Variants in MYRIP observed in about 807,000 individuals in gnomAD.
MYRIP encodes the protein rab effector MyRIP.
In MYRIP, 49 loss-of-function variants were observed where a neutral mutation model predicts 98.0. The observed-to-expected ratio is 0.50, with a 90% CI of 0.40 to 0.63. MYRIP has a LOEUF of 0.63. MYRIP is among the 30% of genes least tolerant of loss of function. The probability of loss-of-function intolerance (pLI) is 0.00; values close to 1 mark genes in which losing one functional copy is unlikely to be tolerated. For synonymous variants in MYRIP, 404 were observed against 409.5 expected (o/e 0.99, Z 0.16); for missense variants, 1,004 against 1,058.2 (o/e 0.95, Z 0.71).
At chr3:40,054,845 G>A (rs577785469) in intron 3 of MYRIP, among the ~76,000 whole-genome samples, 1 of 152,296 alleles carries the variant, frequency 6.6e-6, no homozygotes, top group Admixed American at 6.5e-5. Context: ...CTGCCGCAAG[G>A]CATATTTTCA....
intron 3 of MYRIP, among the ~76,000 whole-genome samples, chr3:40,111,887 C>T (rs1949165821): frequency 6.6e-6 from 1 of 152,150 alleles, no homozygotes; most frequent in African/African-American, 2.4e-5. Flanking sequence ...GAGCCCTGGG[C>T]TGGGAACTAG....
rs1254635184 is a variant in MYRIP, at chr3:40,151,094, A to G, written c.379A>G (p.Ser127Gly). ...SLEWFYNNVK[S>G]RFKRFGSAKV... is the part of the protein sequence containing the mutation. The stretch of plus-strand genomic sequence containing the variant: ...GGAATGGTTCTACAATAATGTGAAG[A>G]GCCGCTTCAAGCGCTTTGGCAGTGC... Residue 127 changes from serine (S) to glycine (G), a missense_variant, in exon 4 of 17, where the codon AGC (serine) becomes GGC (glycine). Physicochemically the swap from Ser to Gly is moderately conservative, Grantham distance 56. Transcript: ENST00000302541. 6.2e-7 allele frequency: 1 copy of G among 1,610,250 alleles called. No individual in the cohort carries two copies. The highest frequency in any genetic ancestry group is 1.1e-5 in the South Asian group (1 of 90,188).
intron 10 of MYRIP, among the ~76,000 whole-genome samples, chr3:40,194,161 T>A (rs115586299): frequency 0.015 from 2,311 of 152,008 alleles, 58 homozygotes; most frequent in African/African-American, 0.051. Context: ...GGGTTAAGGA[T>A]TTTTTTTCCA....
intron 8 of MYRIP, among the ~76,000 whole-genome samples, chr3:40,179,045 G>A (rs1024441535): frequency 6.6e-6 from 1 of 152,164 alleles, no homozygotes; most frequent in East Asian, 1.9e-4. Flanking sequence ...AAGAAAAGTG[G>A]GCACAGAGGG....
At chr3:39,876,274 T>A (rs185189592) in intron 1 of MYRIP, among the ~76,000 whole-genome samples, 11 of 152,300 alleles carry the variant, frequency 7.2e-5, no homozygotes, top group South Asian at 2.1e-4. Context: ...CAGCACACTG[T>A]TGGGTCTTGA....
intron 3 of MYRIP, among the ~76,000 whole-genome samples, chr3:40,130,149 G>A (rs1266910680): frequency 2.0e-5 from 3 of 152,076 alleles, no homozygotes; most frequent in Non-Finnish European, 4.4e-5. Flanking sequence ...AGGATTTCTG[G>A]AATAAAAATA....
chr3:40,205,752 T>A (rs1164273708), intron 10 of MYRIP, among the ~76,000 whole-genome samples: 4 of 152,120 alleles, frequency 2.6e-5, no homozygotes, highest in African/African-American at 9.7e-5. Context: ...GTATGTTTGG[T>A]GTTTCAGTGA....
At position 40,252,104 on chromosome 3, in the gene MYRIP, A is replaced by G. The variant is rs1953394703; in HGVS notation, c.2547+105A>G. On this transcript the variant is annotated intron_variant, in intron 16 of 16. Coordinates refer to ENST00000302541, the MANE Select transcript of MYRIP (RefSeq NM_015460.4). ...TCCCGCATCAGAACCCCCAAAAAGT[A>G]TCCTTCCTCCGTGGTCTTATGGTCT... The G allele has an allele frequency of 1.3e-5, 11 of 862,020 alleles. No individual in the cohort carries two copies. In the Admixed American group the frequency reaches 1.7e-4, roughly 13 times the overall value. 53.4% of individuals were successfully genotyped at this position (862,020 alleles called of 1,614,324 possible).
intron 3 of MYRIP, among the ~76,000 whole-genome samples, chr3:40,066,965 C>T (rs1200524798): frequency 1.3e-5 from 2 of 152,100 alleles, no homozygotes; most frequent in African/African-American, 4.8e-5. Context: ...ACTTTTATGT[C>T]CTTTTTGCTT....
At chr3:39,919,745 AG>A (rs1181651422) in intron 2 of MYRIP, among the ~76,000 whole-genome samples, 16 of 151,710 alleles carry the variant, frequency 1.1e-4, no homozygotes, top group Middle Eastern at 3.4e-3. Context: ...AGAGAGAGAG[AG>A]AGAAATTCAT....
chr3:39,926,251 T>G (rs1256817427), intron 2 of MYRIP, among the ~76,000 whole-genome samples: 1 of 152,150 alleles, frequency 6.6e-6, no homozygotes, highest in Admixed American at 6.6e-5. Flanking sequence ...GTCAGGTGCA[T>G]AGTTTACAAA....
chr3:39,870,756 A>G (rs1169243964), intron 1 of MYRIP, among the ~76,000 whole-genome samples: 1 of 152,192 alleles, frequency 6.6e-6, no homozygotes, highest in Non-Finnish European at 1.5e-5. Context: ...AACATTAAAT[A>G]CAACCAGGCA....
rs193096820 is a variant in MYRIP, at chr3:39,866,801, G to A, written c.-30-33986G>A. 3.9e-4 allele frequency among the ~76,000 whole-genome samples: 59 copies of A among 152,158 alleles called. 1 individual carries two copies. The highest frequency in any genetic ancestry group is 2.9e-5 in the Non-Finnish European group (2 of 68,016). On this transcript the variant is annotated intron_variant, in intron 1 of 16. Coordinates refer to ENST00000302541, the MANE Select transcript of MYRIP (RefSeq NM_015460.4). Reference sequence around the variant, plus strand: ...TGCAACCCCTATCAAAATTCTAATGGCATTTTTATAGAAATAGAGAAAAAC... The same window carrying A: ...TGCAACCCCTATCAAAATTCTAATGACATTTTTATAGAAATAGAGAAAAAC...
At chr3:40,191,199 CAT>C (rs1951198680) in intron 10 of MYRIP, among the ~76,000 whole-genome samples, 1 of 152,212 alleles carries the variant, frequency 6.6e-6, no homozygotes, top group African/African-American at 2.4e-5. Context: ...TATACACACA[CAT>C]ACTCACACAT....
At chr3:40,014,066 A>G (rs35016700) in intron 2 of MYRIP, among the ~76,000 whole-genome samples, 78,350 of 152,046 alleles carry the variant, frequency 0.52, 21,334 homozygotes, top group East Asian at 0.67. Flanking sequence ...GGCATTTTGT[A>G]TACTTGATGT....
chr3:39,974,805 A>G (rs1259486227), intron 2 of MYRIP, among the ~76,000 whole-genome samples: 1 of 152,324 alleles, frequency 6.6e-6, no homozygotes, highest in East Asian at 1.9e-4. Context: ...AAACCATATG[A>G]TAATCTCAAT....
chr3:40,008,108 G>A (rs1946674629), intron 2 of MYRIP, among the ~76,000 whole-genome samples: 3 of 152,202 alleles, frequency 2.0e-5, no homozygotes, highest in African/African-American at 7.2e-5. Context: ...GTTCCTCTGG[G>A]GAAGACCCTG....
chr3:39,882,746 CAG>C (rs1943186039), intron 1 of MYRIP, among the ~76,000 whole-genome samples: 1 of 152,046 alleles, frequency 6.6e-6, no homozygotes, highest in Non-Finnish European at 1.5e-5. Flanking sequence ...GTGCTTAAAA[CAG>C]TGTGTGACTT....
intron 1 of MYRIP, among the ~76,000 whole-genome samples, chr3:39,856,705 A>G (rs537292191): frequency 2.3e-4 from 35 of 152,314 alleles, no homozygotes; most frequent in Middle Eastern, 6.8e-3. Context: ...CAAGCCTCAC[A>G]TGCCCACAGA....
Sources: gnomAD v4.1 joint callset for allele counts (sites outside exome capture counted in the v4.1 genomes callset) on GRCh38, gnomAD v4.1.1 for gene constraint, MANE v1.5 for transcripts, NCBI Gene and HGNC (gene_info 2026-07-23, HGNC 2026-07-21) for gene names.